CPED1: variants seen among roughly 807,000 people sequenced by gnomAD.
The protein encoded by CPED1 is cadherin like and PC-esterase domain containing 1.
A neutral mutation model predicts 128.2 loss-of-function variants in CPED1; 114 were observed. The observed-to-expected ratio is 0.89, with a 90% CI of 0.76 to 1.04. The LOEUF (loss-of-function observed/expected upper bound fraction) is 1.04, where lower values mean the gene tolerates loss of function less well. Ranked by LOEUF, CPED1 falls within the 50% of genes least tolerant of loss-of-function variation. CPED1 has a pLI of 0.00. For missense variants in CPED1, 1,211 were observed against 1,207.1 expected (o/e 1.00, Z -0.05); for synonymous variants, 462 against 426.7 (o/e 1.08, Z -1.02).
At position 121,270,295 on chromosome 7, in the gene CPED1, A is replaced by G. The variant is rs373431074; in HGVS notation, c.2722-989A>G. On this transcript the variant is annotated intron_variant, in intron 21 of 22. Transcript: ENST00000310396. Reference sequence around the variant, plus strand: ...GGATTCTAGATATTTGAACTTTGTCAGATCCATAGTTTGCAAACATTTTCT... The same window carrying G: ...GGATTCTAGATATTTGAACTTTGTCGGATCCATAGTTTGCAAACATTTTCT... Among the ~76,000 whole-genome samples the G allele has an allele frequency of 2.6e-5, 4 of 152,246 alleles. No homozygotes were observed. The East Asian group carries it at 7.7e-4, about 29-fold the overall frequency.
chr7:121,025,413 G>A (rs1434943532), intron 3 of CPED1, among the ~76,000 whole-genome samples: 12 of 152,032 alleles, frequency 7.9e-5, no homozygotes, highest in Non-Finnish European at 1.3e-4. Context: ...AGATTTGGGC[G>A]TGAGTAGAAT....
chr7:121,024,607 ACTTT>A (rs1792524333), intron 3 of CPED1, among the ~76,000 whole-genome samples: 1 of 152,198 alleles, frequency 6.6e-6, no homozygotes, highest in Non-Finnish European at 1.5e-5. Context: ...TGTTAGATGT[ACTTT>A]CTTTTATTTT....
intron 7 of CPED1, among the ~76,000 whole-genome samples, chr7:121,108,715 G>A (rs1440948139): frequency 2.6e-5 from 4 of 151,888 alleles, no homozygotes; most frequent in African/African-American, 4.8e-5. Context: ...TATGGAATAT[G>A]GAATACTGAC....
intron 13 of CPED1, 125 bp downstream of exon 13, chr7:121,134,018 C>A: frequency 1.7e-6 from 1 of 603,898 alleles, no homozygotes; most frequent in Non-Finnish European, 2.9e-6. Flanking sequence ...TGCTATTTTC[C>A]CTTAAATTTG....
At chr7:121,121,186 A>G (rs948362595) in intron 7 of CPED1, among the ~76,000 whole-genome samples, 2 of 152,148 alleles carry the variant, frequency 1.3e-5, no homozygotes, top group East Asian at 1.9e-4. Context: ...GTAGATAACA[A>G]GGACACCTTG....
Position 121,142,092 on chromosome 7 carries a change from G to A in CPED1, c.2006G>A (p.Arg669His), listed in dbSNP as rs766330738. The A allele has an allele frequency of 1.6e-5, 26 of 1,612,094 alleles. No homozygotes were observed. The highest frequency in any genetic ancestry group is 2.0e-5 in the Non-Finnish European group (24 of 1,178,740). Residue 669 changes from arginine to histidine, a missense_variant, in exon 16 of 23, where the codon CGC becomes CAC. Coordinates refer to ENST00000310396, the MANE Select transcript of CPED1 (RefSeq NM_024913.5). ...TYKLTIYRED[R>H]PSLPLFEAFT... ...AAACTCACCATCTATAGAGAAGACC[G>A]CCCAAGTCTGCCCTTGTTTGAGGCC...
At chr7:121,160,586 CAG>C (rs1796390015) in intron 16 of CPED1, among the ~76,000 whole-genome samples, 1 of 152,084 alleles carries the variant, frequency 6.6e-6, no homozygotes, top group African/African-American at 2.4e-5. Context: ...TGCTTAGTAA[CAG>C]GGTCTGAGGA....
intron 18 of CPED1, among the ~76,000 whole-genome samples, chr7:121,247,905 G>T (rs1210831398): frequency 1.3e-5 from 2 of 152,160 alleles, no homozygotes; most frequent in Non-Finnish European, 2.9e-5. Context: ...TTCCCCACAG[G>T]ACTGGGGCAT....
intron 13 of CPED1, among the ~76,000 whole-genome samples, chr7:121,135,814 T>C (rs2116349600): frequency 6.6e-6 from 1 of 152,146 alleles, no homozygotes; most frequent in African/African-American, 2.4e-5. Flanking sequence ...ATTTAGACCA[T>C]TCATTTTCTC....
At chr7:121,193,703 G>A (rs757917948) in intron 16 of CPED1, among the ~76,000 whole-genome samples, 1 of 151,998 alleles carries the variant, frequency 6.6e-6, no homozygotes, top group Non-Finnish European at 1.5e-5. Flanking sequence ...ACCCCACTAT[G>A]TAAGTGTTGT....
At chr7:121,078,892 C>T (rs1183667232) in intron 5 of CPED1, among the ~76,000 whole-genome samples, 1 of 152,194 alleles carries the variant, frequency 6.6e-6, no homozygotes, top group Admixed American at 6.5e-5. Flanking sequence ...TTCCACAGTT[C>T]TGGAGGCTGG....
intron 3 of CPED1, among the ~76,000 whole-genome samples, chr7:121,044,601 T>A (rs1208378911): frequency 1.4e-5 from 2 of 146,600 alleles, no homozygotes; most frequent in Non-Finnish European, 3.0e-5. Context: ...ACTTTGTTTT[T>A]AATGTTTAGA....
chr7:120,992,560 G>A (rs187504318), intron 2 of CPED1, among the ~76,000 whole-genome samples: 26 of 152,198 alleles, frequency 1.7e-4, no homozygotes, highest in African/African-American at 6.0e-4. Context: ...TAAACTAACT[G>A]CCCCTCCAGG....
In CPED1 at chr7:121,127,243, T is replaced by A; in HGVS notation, c.1288T>A (p.Ser430Thr). The stretch of plus-strand genomic sequence containing the variant: ...TGAGATATTTCAGAGACTTTATAGA[T>A]CAGATGTTTTCAAGGTAAGTGCATA... The part of the protein sequence containing the change: ...FSEIFQRLYR[S>T]DVFKGENYQK... The change falls in exon 10 of 23, where the codon TCA becomes ACA. Residue 430 changes from serine (S) to threonine (T), a missense_variant. Physicochemically the swap from Ser to Thr is moderately conservative, Grantham distance 58. Transcript: ENST00000310396. 1 of 1,574,928 alleles carries A rather than the reference T, an allele frequency of 6.3e-7. No individual in the cohort carries two copies. The highest frequency in any genetic ancestry group is 8.7e-7 in the Non-Finnish European group (1 of 1,151,876).
intron 22 of CPED1, among the ~76,000 whole-genome samples, chr7:121,292,645 T>C (rs1453716403): frequency 6.6e-6 from 1 of 152,160 alleles, no homozygotes; most frequent in Non-Finnish European, 1.5e-5. Context: ...TTTCCTCATC[T>C]TCGTGGATTT....
chr7:121,186,851 A>G (rs563626190), intron 16 of CPED1, among the ~76,000 whole-genome samples: 1 of 152,186 alleles, frequency 6.6e-6, no homozygotes, highest in Non-Finnish European at 1.5e-5. Flanking sequence ...GAGGGTCAAA[A>G]TCCAGGATAT....
At chr7:121,177,597 A>C (rs1413002437) in intron 16 of CPED1, among the ~76,000 whole-genome samples, 1 of 152,066 alleles carries the variant, frequency 6.6e-6, no homozygotes, top group Non-Finnish European at 1.5e-5. Context: ...ATATTTACCT[A>C]AAATAATTCT....
intron 18 of CPED1, among the ~76,000 whole-genome samples, chr7:121,263,320 C>G (rs546881372): frequency 3.9e-5 from 6 of 152,190 alleles, no homozygotes; most frequent in Admixed American, 3.9e-4. Flanking sequence ...ATAGCTGTGA[C>G]TTAGACATTT....
intron 22 of CPED1, among the ~76,000 whole-genome samples, chr7:121,289,344 A>G (rs1283690550): frequency 2.0e-5 from 3 of 152,230 alleles, no homozygotes; most frequent in Non-Finnish European, 4.4e-5. Context: ...TCATTACATA[A>G]TAATGCACAT....
Sources: gnomAD v4.1 joint callset for allele counts (sites outside exome capture counted in the v4.1 genomes callset) on GRCh38, gnomAD v4.1.1 for gene constraint, MANE v1.5 for transcripts, NCBI Gene and HGNC (gene_info 2026-07-23, HGNC 2026-07-21) for gene names.